The following ABLIM1 variants were observed in gnomAD, a reference collection of about 807,000 sequenced individuals.
ABLIM1 encodes actin-binding LIM protein 1.
In ABLIM1, 40 loss-of-function variants were observed where a neutral mutation model predicts 107.0. The observed-to-expected ratio is 0.37, with a 90% CI of 0.29 to 0.49. ABLIM1 has a LOEUF of 0.49. Among genes scored for constraint, ABLIM1 ranks in the 20% least tolerant of loss-of-function variants. ABLIM1 has a pLI of 0.97. For missense variants in ABLIM1, 857 were observed against 1,008.5 expected, an observed-to-expected ratio of 0.85 and a Z score of 2.04; for synonymous variants, 357 against 357.3, an observed-to-expected ratio of 1.00 and a Z score of 0.01.
At chr10:114,703,898 G>A (rs2081354489) in intron 1 of ABLIM1, among the ~76,000 whole-genome samples, 1 of 152,114 alleles carries the variant, frequency 6.6e-6, no homozygotes. Flanking sequence ...CACTACACGT[G>A]AGCTTCACTC....
chr10:114,690,199 TG>T, intron 1 of ABLIM1: 1 of 1,418,454 alleles, frequency 7.0e-7, no homozygotes, highest in Non-Finnish European at 9.9e-7. Flanking sequence ...TTTCCATTCC[TG>T]GACCCAAAGC....
chr10:114,495,928 GC>G (rs1210378271), intron 6 of ABLIM1, among the ~76,000 whole-genome samples: 2 of 152,200 alleles, frequency 1.3e-5, no homozygotes, highest in African/African-American at 4.8e-5. Flanking sequence ...GTATGTCACT[GC>G]TGTAACTACC....
chr10:114,459,616 A>G (rs917243017), intron 12 of ABLIM1, among the ~76,000 whole-genome samples: 2 of 152,184 alleles, frequency 1.3e-5, no homozygotes, highest in Admixed American at 6.5e-5. Flanking sequence ...CAGTGTGCCC[A>G]AAGCAGCCAA....
chr10:114,444,168 A>AG, intron 16 of ABLIM1, 34 bp from the exon 17 acceptor site: 1 of 1,466,910 alleles, frequency 6.8e-7, no homozygotes, highest in South Asian at 1.3e-5. Context: ...AAAAAAAAAA[A>AG]GAAAGCAAAG....
chr10:114,682,673 C>G (rs553924785), intron 1 of ABLIM1, among the ~76,000 whole-genome samples: 1 of 152,094 alleles, frequency 6.6e-6, no homozygotes, highest in African/African-American at 2.4e-5. Flanking sequence ...TCTAGAGATA[C>G]GGTTTCTGTA....
chr10:114,534,158 T>C (rs1206514449), intron 6 of ABLIM1, among the ~76,000 whole-genome samples: 2 of 151,854 alleles, frequency 1.3e-5, no homozygotes, highest in East Asian at 3.9e-4. Flanking sequence ...ATGTCTATAG[T>C]GGTAAAAGAA....
chr10:114,661,513 G>A (rs1227474659), upstream of ABLIM1, among the ~76,000 whole-genome samples: 6 of 152,188 alleles, frequency 3.9e-5, no homozygotes, highest in Non-Finnish European at 8.8e-5. Flanking sequence ...GCACAGTTGG[G>A]GAAGACCCTA....
At chr10:114,543,120 C>T (rs986263987) in intron 6 of ABLIM1, among the ~76,000 whole-genome samples, 3 of 152,116 alleles carry the variant, frequency 2.0e-5, no homozygotes, top group Admixed American at 6.5e-5. Flanking sequence ...GGCCTGTCTC[C>T]ACCCCAACTC....
intron 6 of ABLIM1, among the ~76,000 whole-genome samples, chr10:114,501,371 T>C (rs975297542): frequency 5.9e-5 from 9 of 152,186 alleles, no homozygotes; most frequent in Non-Finnish European, 1.2e-4. Context: ...TCAGTTAATA[T>C]TGGGAAGGCT....
At chr10:114,612,884 T>C (rs1306013271) in intron 1 of ABLIM1, among the ~76,000 whole-genome samples, 1 of 152,204 alleles carries the variant, frequency 6.6e-6, no homozygotes, top group East Asian at 1.9e-4. Context: ...GGGTTTAGCT[T>C]AAGCACGGTA....
intron 8 of ABLIM1, 58 bp from the exon 9 acceptor site, chr10:114,474,014 T>C (rs1373070167): frequency 2.2e-6 from 3 of 1,335,682 alleles, no homozygotes; most frequent in African/African-American, 1.5e-5. Flanking sequence ...ATCTAGACTG[T>C]CCTGGGCCCT....
chr10:114,596,956 A>G (rs761303995), intron 2 of ABLIM1, among the ~76,000 whole-genome samples: 14 of 151,186 alleles, frequency 9.3e-5, no homozygotes, highest in Non-Finnish European at 1.8e-4. Flanking sequence ...GAGGGAGGGA[A>G]GGGAATTCCA....
intron 6 of ABLIM1, among the ~76,000 whole-genome samples, chr10:114,511,722 T>C (rs1433360194): frequency 3.3e-5 from 5 of 150,650 alleles, no homozygotes; most frequent in Non-Finnish European, 7.4e-5. Flanking sequence ...CCAGTGTATA[T>C]TTTGGCAAAG....
At chr10:114,532,619 G>T (rs557206768) in intron 6 of ABLIM1, among the ~76,000 whole-genome samples, 24 of 152,290 alleles carry the variant, frequency 1.6e-4, no homozygotes, top group African/African-American at 5.3e-4. Context: ...CCTTAGCCTG[G>T]TAATACTGTG....
At chr10:114,728,876 A>G (rs2082016814) in intron 1 of ABLIM1, among the ~76,000 whole-genome samples, 1 of 152,130 alleles carries the variant, frequency 6.6e-6, no homozygotes, top group South Asian at 2.1e-4. Flanking sequence ...CAGGGTGCAT[A>G]TCATGCTTTT....
At chr10:114,676,348 G>A (rs763471538) in intron 1 of ABLIM1, among the ~76,000 whole-genome samples, 6 of 151,986 alleles carry the variant, frequency 3.9e-5, no homozygotes. Context: ...GTGGTGGTGC[G>A]TGACTGTAAT....
intron 5 of ABLIM1, among the ~76,000 whole-genome samples, chr10:114,546,407 T>A (rs1591087409): frequency 6.6e-6 from 1 of 151,672 alleles, no homozygotes; most frequent in African/African-American, 2.4e-5. Flanking sequence ...AATTCTCCTG[T>A]CTCAGCCTCC....
chr10:114,476,426 G>A (rs2056415991), intron 8 of ABLIM1, among the ~76,000 whole-genome samples: 1 of 152,112 alleles, frequency 6.6e-6, no homozygotes, highest in African/African-American at 2.4e-5. Flanking sequence ...TGGATCACCT[G>A]AGGTCAGGAG....
chr10:114,510,713 C>T (rs1042742587), intron 6 of ABLIM1, among the ~76,000 whole-genome samples: 7 of 151,718 alleles, frequency 4.6e-5, no homozygotes, highest in African/African-American at 7.3e-5. Flanking sequence ...TGCAGTGATG[C>T]GATCTTGGTT....
Sources: allele counts gnomAD v4.1 joint callset (sites outside exome capture counted in the v4.1 genomes callset), GRCh38; gene constraint gnomAD v4.1.1; transcripts MANE v1.5; gene names NCBI Gene and HGNC (gene_info 2026-07-23, HGNC 2026-07-21).